SEM1: variants seen among roughly 807,000 people sequenced by gnomAD.
SEM1 encodes SEM1 26S proteasome subunit, also known as 26S proteasome complex subunit SEM1.
Under a neutral mutation model 12.7 loss-of-function variants are expected in SEM1, and 3 were observed. The observed-to-expected ratio is 0.24, with a 90% CI of 0.11 to 0.61. SEM1 has a LOEUF of 0.61. Among genes scored for constraint, SEM1 ranks in the 20% least tolerant of loss-of-function variants. SEM1 has a pLI of 0.88. For synonymous variants in SEM1, 30 were observed against 27.8 expected (o/e 1.08, Z -0.25); for missense variants, 59 against 81.3 (o/e 0.73, Z 1.06).
At chr7:96,601,090 T>G (rs1807184624) in intron 2 of SEM1, among the ~76,000 whole-genome samples, 1 of 152,196 alleles carries the variant, frequency 6.6e-6, no homozygotes, top group Non-Finnish European at 1.5e-5. Context: ...AGGCTTGACC[T>G]GTGGGTTCTT....
Position 96,640,678 on chromosome 7 carries a change from G to A in SEM1, c.171-18035C>T, listed in dbSNP as rs1372969900. On this transcript the variant is annotated intron_variant, in intron 2 of 2. Coordinates refer to the SEM1 transcript ENST00000417009. This position sits in a 1 kb window ranked among gnomAD's most constrained non-coding sequence, Gnocchi z 4.0. ...TGTCATTATACATCTCCAAACTCAC[G>A]GAATGTAGGGCACCAGGAGTGAACC... 1.1e-4 allele frequency among the ~76,000 whole-genome samples: 16 copies of A among 151,894 alleles called. No individual in the cohort carries two copies. The highest frequency in any genetic ancestry group is 1.3e-4 in the Admixed American group (2 of 15,212).
chr7:96,595,294 C>T (rs1054510412), intron 2 of SEM1, among the ~76,000 whole-genome samples: 19 of 152,152 alleles, frequency 1.2e-4, no homozygotes, highest in African/African-American at 3.9e-4. Flanking sequence ...GGAAGGATCA[C>T]TTGAGCCCAG....
intron 2 of SEM1, among the ~76,000 whole-genome samples, chr7:96,677,225 C>T (rs950273538): frequency 6.6e-6 from 1 of 152,116 alleles, no homozygotes; most frequent in African/African-American, 2.4e-5. Context: ...GGAGTCGTCT[C>T]TAAATGGGGA....
At chr7:96,578,996 T>G (rs1035310089) in intron 2 of SEM1, among the ~76,000 whole-genome samples, 1 of 152,208 alleles carries the variant, frequency 6.6e-6, no homozygotes, top group South Asian at 2.1e-4. Context: ...TTATGCCTTA[T>G]GAGAAACTAG....
chr7:96,486,100 A>G (rs1802743773), intron 2 of SEM1: 1 of 771,746 alleles, frequency 1.3e-6, no homozygotes, highest in South Asian at 1.8e-5. Flanking sequence ...AGTATGTCAC[A>G]ATGTTGCTGG....
At chr7:96,593,311 A>G (rs1806892324) in intron 2 of SEM1, among the ~76,000 whole-genome samples, 1 of 152,174 alleles carries the variant, frequency 6.6e-6, no homozygotes, top group African/African-American at 2.4e-5. Flanking sequence ...ATCTACACAT[A>G]CCCTACATTT....
intron 2 of SEM1, among the ~76,000 whole-genome samples, chr7:96,590,005 CA>C (rs987514744): frequency 2.0e-5 from 3 of 151,820 alleles, no homozygotes; most frequent in Non-Finnish European, 4.4e-5. Context: ...TACTAGAATG[CA>C]AAAAAAGGCA....
intron 2 of SEM1, among the ~76,000 whole-genome samples, chr7:96,509,765 C>T (rs755153187): frequency 1.6e-4 from 24 of 152,138 alleles, no homozygotes; most frequent in Non-Finnish European, 2.1e-4. Context: ...ACCTTGACAA[C>T]GTTATGCTAG....
intron 2 of SEM1, among the ~76,000 whole-genome samples, chr7:96,584,114 C>T (rs540442138): frequency 4.6e-5 from 7 of 152,102 alleles, no homozygotes; most frequent in Non-Finnish European, 1.0e-4. Context: ...ACCAGTTGTT[C>T]CTTTCCATGT....
intron 2 of SEM1, among the ~76,000 whole-genome samples, chr7:96,572,917 A>G (rs1806083894): frequency 6.6e-6 from 1 of 152,174 alleles, no homozygotes; most frequent in Admixed American, 6.5e-5. Context: ...GTGAGAGTCT[A>G]AGTCTCTTTG....
At chr7:96,670,994 T>A (rs903860928), downstream of SEM1, among the ~76,000 whole-genome samples, 1 of 152,182 alleles carries the variant, frequency 6.6e-6, no homozygotes, top group Non-Finnish European at 1.5e-5. Flanking sequence ...GTCAAATCAG[T>A]ACAACTGCTC....
chr7:96,615,730 A>G (rs1024139909), intron 2 of SEM1, among the ~76,000 whole-genome samples: 6 of 152,112 alleles, frequency 3.9e-5, no homozygotes, highest in South Asian at 2.1e-4. Flanking sequence ...TAATTTTTCA[A>G]TCCTCAACTC....
At chr7:96,556,209 A>T (rs1339184584) in intron 2 of SEM1, among the ~76,000 whole-genome samples, 2 of 151,494 alleles carry the variant, frequency 1.3e-5, no homozygotes, top group Non-Finnish European at 2.9e-5. Context: ...TAATATTGTT[A>T]TGTGTGAATT....
chr7:96,584,978 A>G (rs1001221459), intron 2 of SEM1, among the ~76,000 whole-genome samples: 7 of 151,518 alleles, frequency 4.6e-5, no homozygotes, highest in African/African-American at 1.5e-4. Context: ...CGTCAAAGTC[A>G]TTCTCCATCC....
intron 2 of SEM1, among the ~76,000 whole-genome samples, chr7:96,689,378 A>G (rs912251051): frequency 1.3e-5 from 2 of 152,158 alleles, no homozygotes; most frequent in Non-Finnish European, 2.9e-5. Context: ...TTTTACAATG[A>G]TCATAACAGG....
intron 2 of SEM1, among the ~76,000 whole-genome samples, chr7:96,534,713 C>T (rs1006437261): frequency 3.3e-5 from 5 of 152,000 alleles, no homozygotes; most frequent in Admixed American, 6.6e-5. Flanking sequence ...AACAACGTAT[C>T]GCAATAGATG....
intron 2 of SEM1, among the ~76,000 whole-genome samples, chr7:96,539,093 A>G (rs1449411278): frequency 6.6e-6 from 1 of 151,832 alleles, no homozygotes; most frequent in Non-Finnish European, 1.5e-5. Flanking sequence ...CAATCTGTCA[A>G]GATACTGAGA....
At chr7:96,649,491 C>CT (rs1445208017) in intron 2 of SEM1, 5 of 152,278 alleles carry the variant, frequency 3.3e-5, no homozygotes, top group African/African-American at 1.2e-4. Context: ...ATCCTTTGGA[C>CT]TTTAAGACAG....
intron 2 of SEM1, among the ~76,000 whole-genome samples, chr7:96,507,415 G>A (rs1247419916): frequency 1.3e-5 from 2 of 151,970 alleles, no homozygotes; most frequent in Admixed American, 1.3e-4. Context: ...AACACAAAAG[G>A]AACGAAAAGC....
Sources: gnomAD v4.1 joint callset for allele counts (sites outside exome capture counted in the v4.1 genomes callset) on GRCh38, gnomAD v4.1.1 for gene constraint, Gnocchi (gnomAD v3.1) non-coding constraint, MANE v1.5 for transcripts, NCBI Gene and HGNC (gene_info 2026-07-23, HGNC 2026-07-21) for gene names.